ANO1: variants seen among roughly 807,000 people sequenced by gnomAD.
The protein encoded by ANO1 is anoctamin 1, also known as anoctamin-1.
In ANO1, 59 loss-of-function variants were observed where a neutral mutation model predicts 124.0. The ratio of observed to expected loss-of-function variants is 0.48; its 90% confidence interval spans 0.39 to 0.59. The LOEUF (loss-of-function observed/expected upper bound fraction) is 0.59, where lower values mean the gene tolerates loss of function less well. Among genes scored for constraint, ANO1 ranks in the 20% least tolerant of loss-of-function variants. The pLI is 0.00. For missense variants in ANO1, 1,059 were observed against 1,328.0 expected (o/e 0.80, Z 3.15); for synonymous variants, 529 against 532.0 (o/e 0.99, Z 0.08).
At position 70,069,779 on chromosome 11, in the gene ANO1, C is replaced by T. The variant is rs537023299; in HGVS notation, c.59-8763C>T. Among the ~76,000 whole-genome samples the T allele has an allele frequency of 8.5e-5, 13 of 152,078 alleles. No homozygotes were observed. In the East Asian group the frequency reaches 2.3e-3, roughly 27 times the overall value. On this transcript the variant is annotated intron_variant, in intron 1 of 27. Transcript: ENST00000531349. The stretch of plus-strand genomic sequence containing the variant: ...GACTATGTGTCTTGGAGGATCTGGG[C>T]TGTGATGAGCTTAAAAATCTTAAAT...
intron 1 of ANO1, among the ~76,000 whole-genome samples, chr11:70,065,525 T>G (rs1456972943): frequency 1.3e-5 from 2 of 152,192 alleles, no homozygotes; most frequent in Non-Finnish European, 2.9e-5. Flanking sequence ...CCTCCTGGCC[T>G]GAAGGCCCTG....
chr11:70,116,559 G>T, intron 8 of ANO1, 60 bp downstream of exon 8: 1 of 1,528,676 alleles, frequency 6.5e-7, no homozygotes, highest in Non-Finnish European at 8.9e-7. Context: ...GTTCTGGGGC[G>T]GGGTGGGCCT....
intron 11 of ANO1, among the ~76,000 whole-genome samples, chr11:70,137,802 G>C (rs11235400): frequency 6.8e-6 from 1 of 147,024 alleles, no homozygotes; most frequent in South Asian, 2.3e-4. Context: ...TCTGTAGAAC[G>C]GAGACACAGT....
At chr11:70,104,542 C>A (rs1238679609) in intron 4 of ANO1, among the ~76,000 whole-genome samples, 1 of 152,146 alleles carries the variant, frequency 6.6e-6, no homozygotes, top group African/African-American at 2.4e-5. Flanking sequence ...CTCCTTGTGG[C>A]AGAAATTGAA....
chr11:69,986,977 G>A (rs1856055424), intron 1 of ANO1, among the ~76,000 whole-genome samples: 2 of 152,096 alleles, frequency 1.3e-5, no homozygotes, highest in Non-Finnish European at 2.9e-5. Context: ...CCGCCAACCC[G>A]GGACTGCTAA....
chr11:70,174,299 G>A (rs2048596213), intron 22 of ANO1, among the ~76,000 whole-genome samples: 1 of 151,244 alleles, frequency 6.6e-6, no homozygotes, highest in South Asian at 2.1e-4. Context: ...AGGAGGCTGA[G>A]GCAGGAGAAT....
intron 22 of ANO1, among the ~76,000 whole-genome samples, chr11:70,176,152 T>C (rs573033881): frequency 3.9e-4 from 52 of 132,792 alleles, no homozygotes; most frequent in Middle Eastern, 7.6e-3. Context: ...TATATATATA[T>C]ACACTTTTTT....
chr11:70,183,100 C>A (rs1414079772), intron 24 of ANO1, among the ~76,000 whole-genome samples: 2 of 152,120 alleles, frequency 1.3e-5, no homozygotes, highest in South Asian at 2.1e-4. Flanking sequence ...CAGAGTGAGA[C>A]CCTATCTATA....
chr11:70,038,616 G>T (rs1857131810), intron 1 of ANO1, among the ~76,000 whole-genome samples: 1 of 152,078 alleles, frequency 6.6e-6, no homozygotes, highest in Non-Finnish European at 1.5e-5. Flanking sequence ...GACAGTCCTT[G>T]GTCCTCTCTT....
At chr11:69,984,187 C>T (rs542026717), upstream of ANO1, among the ~76,000 whole-genome samples, 133 of 152,304 alleles carry the variant, frequency 8.7e-4, no homozygotes, top group Non-Finnish European at 1.7e-3. Context: ...GCACAATGGT[C>T]AGATGGAAAA....
At chr11:70,141,448 G>A (rs2047150944) in intron 11 of ANO1, 1 of 152,126 alleles carries the variant, frequency 6.6e-6, no homozygotes, top group Admixed American at 6.5e-5. Flanking sequence ...CTTCAGCCCT[G>A]GGAGACAACA....
chr11:70,182,425 A>G, intron 23 of ANO1, 77 bp from the exon 24 acceptor site: 1 of 1,267,786 alleles, frequency 7.9e-7, no homozygotes, highest in Non-Finnish European at 1.1e-6. Context: ...GTAACTGTGG[A>G]TGGGTCACCC....
intron 5 of ANO1, among the ~76,000 whole-genome samples, chr11:70,107,407 C>T (rs1471307752): frequency 1.3e-5 from 2 of 150,762 alleles, no homozygotes; most frequent in Non-Finnish European, 2.9e-5. Flanking sequence ...AGGGCGGAGG[C>T]CCTGTGGCTG....
chr11:70,006,403 A>G (rs1002726356), intron 1 of ANO1, among the ~76,000 whole-genome samples: 6 of 151,978 alleles, frequency 3.9e-5, no homozygotes, highest in African/African-American at 1.2e-4. Context: ...AAGTCCAGGG[A>G]CTGCCTGGGG....
chr11:70,164,902 C>T (rs147878819), intron 19 of ANO1, among the ~76,000 whole-genome samples: 1 of 152,152 alleles, frequency 6.6e-6, no homozygotes, highest in Non-Finnish European at 1.5e-5. Context: ...CCTCCCAGTG[C>T]GCTCCCCGCT....
chr11:70,114,635 A>G (rs1252378707), intron 7 of ANO1, among the ~76,000 whole-genome samples: 1 of 152,188 alleles, frequency 6.6e-6, no homozygotes, highest in Non-Finnish European at 1.5e-5. Context: ...ACGGTGGCTC[A>G]CGCCTGCAAT....
chr11:70,104,533 T>A (rs1022021640), intron 4 of ANO1, among the ~76,000 whole-genome samples: 2 of 150,862 alleles, frequency 1.3e-5, no homozygotes, highest in Admixed American at 6.6e-5. Context: ...TAAGTCTCAC[T>A]CCTTGTGGCA....
intron 6 of ANO1, among the ~76,000 whole-genome samples, chr11:70,110,184 C>CTTTTTTTTTT (rs923690897): frequency 8.5e-6 from 1 of 118,088 alleles, no homozygotes; most frequent in African/African-American, 3.2e-5. Flanking sequence ...TGTTCACTTT[C>CTTTTTTTTTT]TTTTTTTTTT....
intron 1 of ANO1, among the ~76,000 whole-genome samples, chr11:70,019,384 A>C (rs1856761654): frequency 6.6e-6 from 1 of 152,060 alleles, no homozygotes; most frequent in Non-Finnish European, 1.5e-5. Flanking sequence ...GAGGAAAGGG[A>C]TGTTCTAAAG....
Sources: gnomAD v4.1 joint callset for allele counts (sites outside exome capture counted in the v4.1 genomes callset) on GRCh38, gnomAD v4.1.1 for gene constraint, MANE v1.5 for transcripts, NCBI Gene and HGNC (gene_info 2026-07-23, HGNC 2026-07-21) for gene names.